The following NOX4 variants were observed in gnomAD, a reference collection of about 807,000 sequenced individuals.
NOX4 encodes kidney oxidase-1.
Under a neutral mutation model 87.6 loss-of-function variants are expected in NOX4, and 69 were observed. The ratio of observed to expected loss-of-function variants is 0.79; its 90% CI spans 0.65 to 0.96. NOX4 has a LOEUF of 0.96. NOX4 is among the 40% of genes least tolerant of loss of function. The pLI is 0.00. For synonymous variants in NOX4, 275 were observed against 238.2 expected (o/e 1.15, Z -1.42); for missense variants, 680 against 681.5 (o/e 1.00, Z 0.02).
At chr11:89,475,468 C>T (rs1055572559) in intron 2 of NOX4, among the ~76,000 whole-genome samples, 9 of 151,938 alleles carry the variant, frequency 5.9e-5, no homozygotes, top group Non-Finnish European at 1.3e-4. Flanking sequence ...TAATGGTATG[C>T]ATTATGTTCA....
intron 7 of NOX4, among the ~76,000 whole-genome samples, chr11:89,427,366 G>A (rs1028600642): frequency 6.6e-6 from 1 of 152,200 alleles, no homozygotes; most frequent in Non-Finnish European, 1.5e-5. Flanking sequence ...GAACAAAGCT[G>A]CACAAAGAAT....
intron 7 of NOX4, among the ~76,000 whole-genome samples, chr11:89,426,753 G>A (rs1943441863): frequency 6.6e-6 from 1 of 152,148 alleles, no homozygotes; most frequent in South Asian, 2.1e-4. Context: ...GCCCACCACA[G>A]CTCAATGAGG....
intron 4 of NOX4, among the ~76,000 whole-genome samples, chr11:89,449,133 C>A (rs914281790): frequency 6.6e-6 from 1 of 152,078 alleles, no homozygotes. Flanking sequence ...AACTACTAAG[C>A]TATTTAATAA....
In NOX4 at chr11:89,454,176, T is replaced by A. The variant is rs535416965; in HGVS notation, c.154-2281A>T. ...TTAGTGTGTGACATGTTACCTTGAA[T>A]TTTTTATGTTTTAACCTTTTTCTCT... On this transcript the variant is annotated intron_variant, in intron 2 of 17. Coordinates refer to ENST00000263317, the MANE Select transcript of NOX4 (RefSeq NM_016931.5). Among the ~76,000 whole-genome samples, 7 of 152,272 alleles carry A rather than the reference T, an allele frequency of 4.6e-5. No homozygotes were observed. In the South Asian group the frequency reaches 1.5e-3, roughly 32 times the overall value.
At position 89,334,578 on chromosome 11, in the gene NOX4, A is replaced by G. The variant is rs527353833; in HGVS notation, c.1616+1267T>C. On this transcript the variant is annotated intron_variant, in intron 17 of 17. Coordinates refer to ENST00000263317, the MANE Select transcript of NOX4 (RefSeq NM_016931.5). ...TTTCTTCAATAAATAATATTCATCC[A>G]TGATTTCCTAAATTGGATTTTTTAA... is the stretch of plus-strand genomic sequence containing the variant. 3.6e-4 allele frequency among the ~76,000 whole-genome samples: 54 copies of G among 151,882 alleles called. 1 individual carries two copies. In the South Asian group the frequency reaches 0.011, roughly 31 times the overall value.
chr11:89,456,944 C>A (rs1201775710), intron 2 of NOX4, among the ~76,000 whole-genome samples: 1 of 152,134 alleles, frequency 6.6e-6, no homozygotes, highest in East Asian at 1.9e-4. Flanking sequence ...AATTGCACAT[C>A]CTCTGTCTGC....
intron 2 of NOX4, among the ~76,000 whole-genome samples, chr11:89,485,349 T>A (rs1416802339): frequency 1.3e-5 from 2 of 152,190 alleles, no homozygotes; most frequent in East Asian, 3.9e-4. Context: ...AATAACTAGT[T>A]TGAAATTGAA....
chr11:89,348,509 C>A (rs1411117567), intron 13 of NOX4, among the ~76,000 whole-genome samples: 1 of 151,856 alleles, frequency 6.6e-6, no homozygotes, highest in Non-Finnish European at 1.5e-5. Context: ...CCCAGCTACA[C>A]TGGAGGCCAA....
In NOX4 at chr11:89,402,391, ACT is replaced by A. The variant is rs1231348763; in HGVS notation, c.779_780del (p.Glu260ValfsTer19). 5.6e-6 allele frequency: 9 copies of A among 1,613,048 alleles called. No homozygotes were observed. Among genetic ancestry groups the A allele is most frequent in the East Asian group, 4.5e-5 (2 of 44,826 alleles). On this transcript the variant is annotated frameshift_variant, in exon 9 of 18. Transcript: ENST00000263317. LOFTEE classifies it high-confidence loss of function. ...PFPEGFSKPA[E>X]FTQHKFVKIC... ...ATCTTCACAAATTTGTGCTGGGTAA[ACT>A]CTGCCGGTTTTGAAAATCCTTCAGG...
chr11:89,384,218 C>T (rs186109928), intron 11 of NOX4, among the ~76,000 whole-genome samples: 1 of 152,218 alleles, frequency 6.6e-6, no homozygotes, highest in Non-Finnish European at 1.5e-5. Flanking sequence ...CCTCTACAAC[C>T]CATTATTCTG....
chr11:89,399,152 C>A (rs1262986340), intron 11 of NOX4, among the ~76,000 whole-genome samples: 2 of 151,460 alleles, frequency 1.3e-5, no homozygotes, highest in Admixed American at 1.3e-4. Context: ...GATATGCTGA[C>A]TAGCTAATCA....
chr11:89,562,422 TC>T, the NOX4 span, among the ~76,000 whole-genome samples: 1 of 152,020 alleles, frequency 6.6e-6, no homozygotes, highest in African/African-American at 2.4e-5. Context: ...CTTCTTCTCC[TC>T]CCCGCCCCTT....
At chr11:89,368,920 C>T (rs1939224799) in intron 12 of NOX4, among the ~76,000 whole-genome samples, 1 of 152,038 alleles carries the variant, frequency 6.6e-6, no homozygotes, top group Non-Finnish European at 1.5e-5. Flanking sequence ...TTTATTGCCT[C>T]TTAAACTTTT....
intron 6 of NOX4, among the ~76,000 whole-genome samples, chr11:89,437,908 T>C (rs1483157627): frequency 6.6e-6 from 1 of 152,028 alleles, no homozygotes; most frequent in Non-Finnish European, 1.5e-5. Flanking sequence ...CTCGGTTACT[T>C]ACAATAAATA....
upstream of NOX4, among the ~76,000 whole-genome samples, chr11:89,493,721 T>TTTTTA (rs372046431): frequency 1.8e-4 from 26 of 142,292 alleles, no homozygotes; most frequent in South Asian, 9.1e-4. Flanking sequence ...GCCAGATTGT[T>TTTTTA]TTATTATTAT....
At chr11:89,330,450 C>T (rs187118210) in intron 17 of NOX4, among the ~76,000 whole-genome samples, 2,541 of 151,952 alleles carry the variant, frequency 0.017, 66 homozygotes, top group African/African-American at 0.057. Context: ...ATTTTGGCTT[C>T]ATCAGAATCA....
At chr11:89,500,090 A>G (rs1947001059), upstream of NOX4, among the ~76,000 whole-genome samples, 1 of 152,176 alleles carries the variant, frequency 6.6e-6, no homozygotes. Context: ...GTTGCCTAGC[A>G]TATCAGGACT....
intron 12 of NOX4, among the ~76,000 whole-genome samples, chr11:89,356,940 G>C (rs796145496): frequency 4.6e-5 from 7 of 152,250 alleles, no homozygotes; most frequent in African/African-American, 1.4e-4. Context: ...CTCCTGTCTT[G>C]ATACGGTCGC....
rs1473786981 is a variant in NOX4 at position 89,326,781 on chromosome 11, T to G, written c.1712A>C (p.Glu571Ala). ...TCAGCTGAAAGACTCTTTATTGTATTCAAATCTTGTCCCATATGAGTTGTT... is the reference window on the plus strand; with the variant it reads ...TCAGCTGAAAGACTCTTTATTGTATGCAAATCTTGTCCCATATGAGTTGTT... ...NQNNSYGTRFEYNKESFS is the reference protein window; with the variant it reads ...NQNNSYGTRFAYNKESFS Residue 571 changes from glutamate to alanine, a missense_variant, in exon 18 of 18, where the codon GAA (glutamate) becomes GCA (alanine). Physicochemically the swap from Glu to Ala is moderately radical, Grantham distance 107 (BLOSUM62 -1). Transcript: ENST00000263317. 6.2e-7 allele frequency: 1 copy of G among 1,613,416 alleles called. No homozygotes were observed.
Sources: gnomAD v4.1 joint callset for allele counts (sites outside exome capture counted in the v4.1 genomes callset) on GRCh38, gnomAD v4.1.1 for gene constraint, MANE v1.5 for transcripts, NCBI Gene and HGNC (gene_info 2026-07-23, HGNC 2026-07-21) for gene names.